VSNL1: variants seen among roughly 807,000 people sequenced by gnomAD.
VSNL1 encodes the protein visinin like 1.
Under a neutral mutation model 20.4 loss-of-function variants are expected in VSNL1, and 6 were observed. The observed-to-expected ratio is 0.29, with a 90% CI of 0.16 to 0.58. The LOEUF (loss-of-function observed/expected upper bound fraction) is 0.58, where lower values mean the gene tolerates loss of function less well. VSNL1 is among the 20% of genes least tolerant of loss of function. VSNL1 has a pLI of 0.90. For synonymous variants in VSNL1, 93 were observed against 86.4 expected (o/e 1.08, Z -0.42); for missense variants, 100 against 234.5 (o/e 0.43, Z 3.75).
At chr2:17,625,081 G>A (rs917511159) in intron 2 of VSNL1, among the ~76,000 whole-genome samples, 33 of 152,074 alleles carry the variant, frequency 2.2e-4, no homozygotes, top group Admixed American at 3.9e-4. Flanking sequence ...TAAGTCTCAC[G>A]AGCTCTGATG....
At chr2:17,543,727 T>G (rs1663347075) in intron 1 of VSNL1, among the ~76,000 whole-genome samples, 1 of 152,200 alleles carries the variant, frequency 6.6e-6, no homozygotes, top group South Asian at 2.1e-4. Context: ...CTCAGGCAGA[T>G]CTTTTGTTTT....
intron 1 of VSNL1, among the ~76,000 whole-genome samples, chr2:17,554,170 A>C (rs1181083246): frequency 6.6e-6 from 1 of 152,154 alleles, no homozygotes; most frequent in African/African-American, 2.4e-5. Flanking sequence ...TCTGAGAATC[A>C]CCTCCTCAAA....
chr2:17,564,619 G>A (rs1028813438), intron 1 of VSNL1, among the ~76,000 whole-genome samples: 33 of 151,976 alleles, frequency 2.2e-4, no homozygotes, highest in Non-Finnish European at 4.3e-4. Flanking sequence ...AATTTCTCAA[G>A]TTGCTTTACA....
chr2:17,641,144 G>T (rs1665874439), intron 2 of VSNL1, among the ~76,000 whole-genome samples: 1 of 152,206 alleles, frequency 6.6e-6, no homozygotes, highest in Non-Finnish European at 1.5e-5. Flanking sequence ...GAAATGAGTT[G>T]GGTGCAGGGT....
chr2:17,579,039 T>C (rs1664285101), intron 1 of VSNL1, among the ~76,000 whole-genome samples: 1 of 152,254 alleles, frequency 6.6e-6, no homozygotes, highest in African/African-American at 2.4e-5. Flanking sequence ...TGTTTTCTCC[T>C]TCATGCCAGG....
intron 2 of VSNL1, among the ~76,000 whole-genome samples, chr2:17,604,353 T>C (rs1366201201): frequency 6.6e-6 from 1 of 152,264 alleles, no homozygotes; most frequent in Admixed American, 6.5e-5. Context: ...TCATGTGGTC[T>C]GTCTGCTTAG....
chr2:17,540,488 G>C (rs769144738), upstream of VSNL1, among the ~76,000 whole-genome samples: 17 of 152,222 alleles, frequency 1.1e-4, no homozygotes, highest in Non-Finnish European at 1.8e-4. Context: ...TGGAGACGTG[G>C]AATCCACCCG....
At chr2:17,577,281 G>A (rs923574900) in intron 1 of VSNL1, among the ~76,000 whole-genome samples, 2 of 152,076 alleles carry the variant, frequency 1.3e-5, no homozygotes, top group Non-Finnish European at 2.9e-5. Flanking sequence ...GTTTCTGATA[G>A]TTTTCTTTGA....
At chr2:17,638,066 T>A (rs1268418493) in intron 2 of VSNL1, among the ~76,000 whole-genome samples, 1 of 152,222 alleles carries the variant, frequency 6.6e-6, no homozygotes, top group Non-Finnish European at 1.5e-5. Flanking sequence ...GATGTGATAC[T>A]AGTAGTAGAA....
At chr2:17,577,674 G>A (rs910014982) in intron 1 of VSNL1, among the ~76,000 whole-genome samples, 6 of 152,126 alleles carry the variant, frequency 3.9e-5, no homozygotes, top group Non-Finnish European at 7.3e-5. Context: ...TCTGCCCTGG[G>A]GACCAGGGGC....
intron 2 of VSNL1, among the ~76,000 whole-genome samples, chr2:17,630,177 GTCT>G (rs1354448541): frequency 6.6e-6 from 1 of 152,210 alleles, no homozygotes; most frequent in Non-Finnish European, 1.5e-5. Flanking sequence ...TCTTTGCCTT[GTCT>G]TCTAGTAATT....
At chr2:17,637,358 C>A (rs945783318) in intron 2 of VSNL1, among the ~76,000 whole-genome samples, 1 of 152,196 alleles carries the variant, frequency 6.6e-6, no homozygotes, top group South Asian at 2.1e-4. Flanking sequence ...TCCAGGGCTG[C>A]AGCCGGCAGA....
intron 2 of VSNL1, among the ~76,000 whole-genome samples, chr2:17,601,659 G>A (rs1036318758): frequency 4.6e-5 from 7 of 151,410 alleles, no homozygotes; most frequent in Admixed American, 2.0e-4. Flanking sequence ...AATAGGCCAG[G>A]CATGGTGGCT....
chr2:17,579,997 A>G (rs1356929357), intron 1 of VSNL1, among the ~76,000 whole-genome samples: 1 of 152,206 alleles, frequency 6.6e-6, no homozygotes, highest in East Asian at 1.9e-4. Context: ...GCTGGGAGTC[A>G]GAGTCCCTGA....
intron 1 of VSNL1, among the ~76,000 whole-genome samples, chr2:17,554,340 T>C (rs898354071): frequency 2.6e-5 from 4 of 152,190 alleles, no homozygotes; most frequent in African/African-American, 9.6e-5. Context: ...TGATTATTGG[T>C]TCCTATGGTA....
chr2:17,612,931 C>A (rs925551028), intron 2 of VSNL1, among the ~76,000 whole-genome samples: 4 of 152,184 alleles, frequency 2.6e-5, no homozygotes, highest in African/African-American at 4.8e-5. Flanking sequence ...AGATACCCAA[C>A]CTTGGGTGAA....
intron 2 of VSNL1, among the ~76,000 whole-genome samples, chr2:17,627,901 A>G (rs982359338): frequency 3.3e-5 from 5 of 152,244 alleles, no homozygotes. Context: ...TTATATAACT[A>G]TACACTAAAT....
At chr2:17,595,931 T>C (rs1664700782) in intron 2 of VSNL1, among the ~76,000 whole-genome samples, 2 of 152,210 alleles carry the variant, frequency 1.3e-5, no homozygotes. Flanking sequence ...GTTCAAGTAT[T>C]TTGACTGCTG....
At chr2:17,600,640 A>C (rs1408144670) in intron 2 of VSNL1, among the ~76,000 whole-genome samples, 1 of 152,272 alleles carries the variant, frequency 6.6e-6, no homozygotes, top group Non-Finnish European at 1.5e-5. Flanking sequence ...AGACTTTATT[A>C]AAAATTCATT....
Sources: gnomAD v4.1 joint callset for allele counts (sites outside exome capture counted in the v4.1 genomes callset) on GRCh38, gnomAD v4.1.1 for gene constraint, MANE v1.5 for transcripts, NCBI Gene and HGNC (gene_info 2026-07-23, HGNC 2026-07-21) for gene names.